HAVCR1: variants seen among roughly 807,000 people sequenced by gnomAD.
The protein encoded by HAVCR1 is hepatitis A virus cellular receptor 1.
A neutral mutation model predicts 32.0 loss-of-function variants in HAVCR1; 34 were observed. The observed-to-expected ratio is 1.06, with a 90% CI of 0.81 to 1.42. HAVCR1 has a LOEUF of 1.42. Among genes scored for constraint, HAVCR1 ranks in the 40% most tolerant of loss-of-function variants. The pLI is 0.00. For synonymous variants in HAVCR1, 178 were observed against 170.3 expected (o/e 1.05, Z -0.35); for missense variants, 420 against 442.3 (o/e 0.95, Z 0.45).
chr5:157,038,632 C>T (rs75003283), intron 6 of HAVCR1, among the ~76,000 whole-genome samples: 2,577 of 152,266 alleles, frequency 0.017, 73 homozygotes, highest in African/African-American at 0.058. Context: ...GCCATGCTTG[C>T]TTAGAAGCGG....
upstream of HAVCR1, among the ~76,000 whole-genome samples, chr5:157,064,031 G>A (rs1380079761): frequency 1.3e-5 from 2 of 152,146 alleles, no homozygotes; most frequent in African/African-American, 2.4e-5. Context: ...CATATTCTGA[G>A]GACATAGGCT....
At chr5:157,040,872 C>G (rs201250075) in intron 6 of HAVCR1, among the ~76,000 whole-genome samples, 2 of 151,978 alleles carry the variant, frequency 1.3e-5, no homozygotes, top group Non-Finnish European at 2.9e-5. Flanking sequence ...TGTACTCCAG[C>G]CTGGGCGATG....
chr5:157,045,553 T>A (rs544112145), intron 5 of HAVCR1, among the ~76,000 whole-genome samples: 1 of 152,314 alleles, frequency 6.6e-6, no homozygotes, highest in Non-Finnish European at 1.5e-5. Context: ...AACTTATAGC[T>A]GAAATGGGAG....
intron 6 of HAVCR1, among the ~76,000 whole-genome samples, chr5:157,039,257 G>A (rs769380311): frequency 1.8e-4 from 28 of 151,956 alleles, no homozygotes; most frequent in Non-Finnish European, 3.7e-4. Flanking sequence ...ATGAACTATA[G>A]TATATCCTAA....
chr5:157,049,450 T>C (rs992901597), intron 4 of HAVCR1, among the ~76,000 whole-genome samples: 1 of 152,230 alleles, frequency 6.6e-6, no homozygotes, highest in African/African-American at 2.4e-5. Context: ...TCAAACTTTC[T>C]ATACTCCCAG....
intron 6 of HAVCR1, among the ~76,000 whole-genome samples, chr5:157,039,440 C>G (rs2113520314): frequency 6.6e-6 from 1 of 152,290 alleles, no homozygotes; most frequent in African/African-American, 2.4e-5. Flanking sequence ...TCTCCACCTC[C>G]TGGGTTGAAG....
intron 5 of HAVCR1, among the ~76,000 whole-genome samples, chr5:157,044,332 A>C (rs1755091929): frequency 6.8e-6 from 1 of 146,062 alleles, no homozygotes; most frequent in African/African-American, 2.6e-5. Context: ...ACTGAGAAAG[A>C]AGGAAGGAAA....
chr5:157,066,165 G>A, the HAVCR1 span, among the ~76,000 whole-genome samples: 2 of 151,722 alleles, frequency 1.3e-5, no homozygotes, highest in Non-Finnish European at 2.9e-5. Flanking sequence ...GCCAAGTGAA[G>A]CAAACGCATC....
At chr5:157,057,102 G>A (rs1756201849) in intron 2 of HAVCR1, among the ~76,000 whole-genome samples, 1 of 151,894 alleles carries the variant, frequency 6.6e-6, no homozygotes, top group Admixed American at 6.6e-5. Context: ...GGATCACAAG[G>A]TCAGGAGTTC....
At position 157,029,799 on chromosome 5, in the gene HAVCR1, T is replaced by C. The variant is rs1754061945; in HGVS notation, c.1029A>G (p.Ala343=). The C allele has an allele frequency of 2.7e-5, 44 of 1,612,028 alleles. No homozygotes were observed. The highest frequency in any genetic ancestry group is 3.7e-5 in the Non-Finnish European group (44 of 1,178,908). The change falls in exon 9 of 9, where the codon GCA becomes GCG. Residue 343 remains alanine, a synonymous_variant. Transcript: ENST00000523175. ...SSLQIKALQN[A]VEKEVQAEDN... ...CTTCTGCTTGGACTTCCTTTTCAACTGCATTTTGCAAAGCTTTAATTTGAA... is the reference window on the plus strand; with the variant it reads ...CTTCTGCTTGGACTTCCTTTTCAACCGCATTTTGCAAAGCTTTAATTTGAA...
the HAVCR1 span, among the ~76,000 whole-genome samples, chr5:157,068,679 T>C: frequency 6.6e-6 from 1 of 151,952 alleles, no homozygotes; most frequent in Non-Finnish European, 1.5e-5. Flanking sequence ...GACAGAGTTT[T>C]CTGGCTCACT....
At chr5:157,053,370 G>A (rs373995474) in intron 3 of HAVCR1, among the ~76,000 whole-genome samples, 1,877 of 121,802 alleles carry the variant, frequency 0.015, 47 homozygotes, top group African/African-American at 0.053. Flanking sequence ...GAAACAGAGC[G>A]AGACCCTGTC....
intron 6 of HAVCR1, among the ~76,000 whole-genome samples, chr5:157,040,397 T>C (rs997499411): frequency 6.6e-6 from 1 of 152,194 alleles, no homozygotes; most frequent in African/African-American, 2.4e-5. Context: ...ATTGAACATA[T>C]ACATGGTGGT....
At chr5:157,043,336 T>G (rs1470444100) in intron 5 of HAVCR1, among the ~76,000 whole-genome samples, 1 of 152,166 alleles carries the variant, frequency 6.6e-6, no homozygotes, top group Non-Finnish European at 1.5e-5. Flanking sequence ...ATTTAAAAAT[T>G]TCAACATGTT....
chr5:157,030,481 G>A (rs1173997713), intron 8 of HAVCR1, among the ~76,000 whole-genome samples: 2 of 152,092 alleles, frequency 1.3e-5, no homozygotes, highest in Admixed American at 6.6e-5. Flanking sequence ...GCGAGACCCC[G>A]TCTCTACAGA....
At chr5:157,065,153 A>G in the HAVCR1 span, among the ~76,000 whole-genome samples, 1 of 152,116 alleles carries the variant, frequency 6.6e-6, no homozygotes, top group Non-Finnish European at 1.5e-5. Context: ...CCCCGTCTCT[A>G]CTGAAAATAC....
chr5:157,044,633 G>GAAAGAAAGAA (rs1755231581), intron 5 of HAVCR1, among the ~76,000 whole-genome samples: 1 of 76,588 alleles, frequency 1.3e-5, no homozygotes, highest in African/African-American at 5.0e-5. Flanking sequence ...AAGAAAGAAA[G>GAAAGAAAGAA]AAAGAAAGAA....
At position 157,042,663 on chromosome 5, in the gene HAVCR1, T is replaced by C. The variant is rs774150022; in HGVS notation, c.801A>G (p.Thr267=). 6.3e-7 allele frequency: 1 copy of C among 1,592,086 alleles called. No individual in the cohort carries two copies. Among genetic ancestry groups the C allele is most frequent in the South Asian group, 1.1e-5 (1 of 90,136 alleles). Reference sequence around the variant, plus strand: ...TATTCCAAAGGCCATCTGAAGACTCTGTCACGGTGTCATTCCCATCTACTC... The same window carrying C: ...TATTCCAAAGGCCATCTGAAGACTCCGTCACGGTGTCATTCCCATCTACTC... ...SYTTDGNDTV[T]ESSDGLWNNN... is the part of the protein sequence containing the mutation. Residue 267 remains threonine, a synonymous_variant, in exon 6 of 9, where the codon ACA becomes ACG. Transcript: ENST00000523175.
the HAVCR1 span, among the ~76,000 whole-genome samples, chr5:157,064,322 G>T: frequency 7.4e-6 from 1 of 134,498 alleles, no homozygotes; most frequent in South Asian, 2.5e-4. Context: ...GGGCAACATA[G>T]TGAGACCCTG....
Sources: gnomAD v4.1 joint callset for allele counts (sites outside exome capture counted in the v4.1 genomes callset) on GRCh38, gnomAD v4.1.1 for gene constraint, MANE v1.5 for transcripts, NCBI Gene and HGNC (gene_info 2026-07-23, HGNC 2026-07-21) for gene names.